CTNND2: variants seen among roughly 807,000 people sequenced by gnomAD.
The protein encoded by CTNND2 is catenin delta-2.
In CTNND2, 22 loss-of-function variants were observed where a neutral mutation model predicts 144.4. The ratio of observed to expected loss-of-function variants is 0.15; its 90% CI spans 0.11 to 0.22. The LOEUF is 0.22. Among genes scored for constraint, CTNND2 ranks in the 10% least tolerant of loss-of-function variants. The pLI is 1.00. For synonymous variants in CTNND2, 751 were observed against 695.6 expected (o/e 1.08, Z -1.25); for missense variants, 1,353 against 1,618.8 (o/e 0.84, Z 2.82).
At chr5:11,373,189 CA>C (rs1217343457) in intron 7 of CTNND2, among the ~76,000 whole-genome samples, 1 of 152,210 alleles carries the variant, frequency 6.6e-6, no homozygotes, top group African/African-American at 2.4e-5. Context: ...CCTTAATGAG[CA>C]GGATAGCTGG....
chr5:11,192,333 C>T (rs960305649), intron 11 of CTNND2, among the ~76,000 whole-genome samples: 2 of 152,154 alleles, frequency 1.3e-5, no homozygotes, highest in African/African-American at 4.8e-5. Context: ...AAGGGGTCTC[C>T]ATGTGCTCAC....
chr5:11,323,024 T>A (rs1378926933), intron 9 of CTNND2, among the ~76,000 whole-genome samples: 1 of 152,096 alleles, frequency 6.6e-6, no homozygotes, highest in East Asian at 1.9e-4. Context: ...AGGCACAAGT[T>A]TACCACACAT....
intron 5 of CTNND2, among the ~76,000 whole-genome samples, chr5:11,408,938 C>T (rs1761304036): frequency 6.6e-6 from 1 of 151,928 alleles, no homozygotes; most frequent in African/African-American, 2.4e-5. Context: ...CTTTATATTA[C>T]TTTATCTCTG....
At chr5:11,604,072 G>C (rs2727577) in intron 2 of CTNND2, among the ~76,000 whole-genome samples, 68,805 of 152,094 alleles carry the variant, frequency 0.45, 16,149 homozygotes, top group Middle Eastern at 0.67. Flanking sequence ...GGCTACTTCA[G>C]TGTCACAGAG....
At chr5:10,978,193 G>A (rs960210065) in intron 21 of CTNND2, among the ~76,000 whole-genome samples, 5 of 152,172 alleles carry the variant, frequency 3.3e-5, no homozygotes, top group African/African-American at 9.7e-5. Context: ...GTAACTTTTG[G>A]CCCAGGGAAG....
chr5:11,899,940 T>C (rs1737719670), intron 1 of CTNND2, among the ~76,000 whole-genome samples: 1 of 152,192 alleles, frequency 6.6e-6, no homozygotes, highest in Non-Finnish European at 1.5e-5. Context: ...GGAAACTTAT[T>C]TTTCCAATAA....
intron 2 of CTNND2, among the ~76,000 whole-genome samples, chr5:11,568,249 A>G (rs1777279352): frequency 6.6e-6 from 1 of 152,106 alleles, no homozygotes; most frequent in Admixed American, 6.6e-5. Context: ...GAATATGAGA[A>G]AGGGCACCTT....
intron 6 of CTNND2, among the ~76,000 whole-genome samples, chr5:11,390,233 C>T (rs1288511342): frequency 1.3e-5 from 2 of 152,182 alleles, no homozygotes. Flanking sequence ...ACAATTAAGA[C>T]ACTGTTCTTT....
At chr5:11,083,898 C>A (rs767773647) in intron 15 of CTNND2, 7 of 1,140,218 alleles carry the variant, frequency 6.1e-6, no homozygotes, top group Non-Finnish European at 7.7e-6. Context: ...AGGCAGGGAG[C>A]CCCCTCTGGC....
chr5:11,574,739 G>C lies in CTNND2; in HGVS notation c.175-9683C>G, dbSNP rs150415067. Among the ~76,000 whole-genome samples the C allele has an allele frequency of 2.7e-3, 416 of 152,174 alleles. 1 individual carries two copies. Among genetic ancestry groups the C allele is most frequent in the African/African-American group, 9.6e-3 (399 of 41,526 alleles). Reference sequence around the variant, plus strand: ...TGCCAAACTCAGATATACCAAACAAGGGCAATGAAGACAGAGAGGGGGTGT... The same window carrying C: ...TGCCAAACTCAGATATACCAAACAACGGCAATGAAGACAGAGAGGGGGTGT... On this transcript the variant is annotated intron_variant, in intron 2 of 21. Coordinates refer to ENST00000304623, the MANE Select transcript of CTNND2 (RefSeq NM_001332.4).
Position 11,018,150 on chromosome 5 carries a change from T to A in CTNND2, c.3000-92A>T, listed in dbSNP as rs1741826831. 5 of 812,220 alleles carry A rather than the reference T, an allele frequency of 6.2e-6. No homozygotes were observed. The Admixed American group carries it at 9.7e-5, about 16-fold the overall frequency. The allele number at this position is 812,220 out of a possible 1,614,324, so 50.3% of individuals were successfully genotyped here. A position where few individuals can be genotyped will look rare whatever the true frequency, so the allele number is the denominator to read the frequency against. On this transcript the variant is annotated intron_variant, in intron 17 of 21. Transcript: ENST00000304623. ...TGTAGTATTTCAAACCTCTTCATTA[T>A]TATTATATCTATTATGGTGATCTAT...
At chr5:11,135,134 C>G (rs1399864678) in intron 12 of CTNND2, among the ~76,000 whole-genome samples, 1 of 152,154 alleles carries the variant, frequency 6.6e-6, no homozygotes, top group African/African-American at 2.4e-5. Flanking sequence ...CTGGGAATAA[C>G]TAGAAAACAA....
chr5:11,133,230 T>G (rs1314362070), intron 12 of CTNND2, among the ~76,000 whole-genome samples: 1 of 152,232 alleles, frequency 6.6e-6, no homozygotes, highest in African/African-American at 2.4e-5. Flanking sequence ...TTTAGCCTTT[T>G]TTTTTCCTGA....
chr5:11,717,986 C>A (rs1786451513), intron 2 of CTNND2, among the ~76,000 whole-genome samples: 2 of 152,148 alleles, frequency 1.3e-5, no homozygotes, highest in African/African-American at 4.8e-5. Context: ...GCTTTATTGA[C>A]TTCCATAAAA....
chr5:11,757,559 A>G (rs1170322500), intron 1 of CTNND2, among the ~76,000 whole-genome samples: 2 of 151,946 alleles, frequency 1.3e-5, no homozygotes, highest in Non-Finnish European at 2.9e-5. Flanking sequence ...CGCATTTCCA[A>G]TGGAGACTTC....
chr5:11,812,118 A>G (rs1792366876), intron 1 of CTNND2, among the ~76,000 whole-genome samples: 1 of 152,206 alleles, frequency 6.6e-6, no homozygotes, highest in African/African-American at 2.4e-5. Flanking sequence ...TGTCCTTATG[A>G]AGCTTACCTT....
intron 2 of CTNND2, among the ~76,000 whole-genome samples, chr5:11,720,490 C>T (rs1034096024): frequency 6.6e-6 from 1 of 152,106 alleles, no homozygotes; most frequent in Non-Finnish European, 1.5e-5. Flanking sequence ...AAGTTTGGTT[C>T]TTCTTTTGCA....
intron 3 of CTNND2, among the ~76,000 whole-genome samples, chr5:11,483,455 G>A (rs570698112): frequency 3.9e-5 from 6 of 152,302 alleles, no homozygotes; most frequent in South Asian, 4.2e-4. Context: ...ACATCTGGCC[G>A]TTGGCAAAGA....
At chr5:11,482,499 T>C (rs1050394396) in intron 3 of CTNND2, among the ~76,000 whole-genome samples, 31 of 152,118 alleles carry the variant, frequency 2.0e-4, no homozygotes, top group Middle Eastern at 3.4e-3. Context: ...AAGTAGTGAA[T>C]AAAAACATCA....
Sources: allele counts gnomAD v4.1 joint callset (sites outside exome capture counted in the v4.1 genomes callset), GRCh38; gene constraint gnomAD v4.1.1; transcripts MANE v1.5; gene names NCBI Gene and HGNC (gene_info 2026-07-23, HGNC 2026-07-21).